GRTP1: variants seen among roughly 807,000 people sequenced by gnomAD.
The protein encoded by GRTP1 is growth hormone-regulated TBC protein 1.
Under a neutral mutation model 38.1 loss-of-function variants are expected in GRTP1, and 56 were observed. The observed-to-expected ratio is 1.47, with a 90% confidence interval of 1.19 to 1.84. GRTP1 has a LOEUF of 1.84. GRTP1 is among the 40% of genes most tolerant of loss of function. The pLI, the probability that GRTP1 is intolerant of heterozygous loss-of-function variation, is 0.00. For synonymous variants in GRTP1, 217 were observed against 189.5 expected, an observed-to-expected ratio of 1.14 and a Z score of -1.19; for missense variants, 506 against 453.9, an observed-to-expected ratio of 1.11 and a Z score of -1.04.
chr13:113,352,280 A>ATTTATATATATTTATATATAT (rs1566437592), intron 3 of GRTP1, among the ~76,000 whole-genome samples: 1 of 19,958 alleles, frequency 5.0e-5, no homozygotes, highest in East Asian at 2.6e-3. Flanking sequence ...TTTTATATAT[A>ATTTATATATATTTATATATAT]TTTATATATA....
At chr13:113,328,137 C>T (rs1392009491) in intron 5 of GRTP1, among the ~76,000 whole-genome samples, 1 of 152,230 alleles carries the variant, frequency 6.6e-6, no homozygotes, top group Non-Finnish European at 1.5e-5. Context: ...TCCCAGGTGA[C>T]CACCTCATCT....
rs1566437614 is a variant in GRTP1, at chr13:113,352,283, TATATATATTTA to T, written c.341-1321_341-1311del. On this transcript the variant is annotated intron_variant, in intron 3 of 7. Coordinates refer to ENST00000375431, the MANE Select transcript of GRTP1 (RefSeq NM_024719.4). ...ATATTTTTATATTTTTATATATATT[TATATATATTTA>T]TATATATTTTATATATATTTTATAT... Among the ~76,000 whole-genome samples the T allele has an allele frequency of 1.2e-3, 57 of 48,512 alleles. 1 individual carries two copies. The East Asian group carries it at 0.025, about 21-fold the overall frequency. 31.8% of individuals were successfully genotyped at this position (48,512 alleles called of 152,430 possible).
At chr13:113,344,535 G>A (rs2043070342) in intron 5 of GRTP1, among the ~76,000 whole-genome samples, 2 of 152,106 alleles carry the variant, frequency 1.3e-5, no homozygotes, top group African/African-American at 2.4e-5. Flanking sequence ...CCAACATGGT[G>A]AAACTCCATC....
rs1301122229 is a variant in GRTP1 at position 113,325,828 on chromosome 13, C to T, written c.754G>A (p.Asp252Asn). Reference sequence around the variant, plus strand: ...TTCGAGCCTTCGTTAAACAAACAGTCCCAGATCCGAAGCACTGTCTGCAGA... The same window carrying T: ...TTCGAGCCTTCGTTAAACAAACAGTTCCAGATCCGAAGCACTGTCTGCAGA... ...LPVETVLRIW[D>N]CLFNEGSKII... The change falls in exon 7 of 8, where the codon GAC becomes AAC. Residue 252 changes from aspartate to asparagine, a missense_variant. By Grantham distance (23) the Asp-to-Asn change is conservative. Transcript: ENST00000375431. The T allele has an allele frequency of 6.2e-7, 1 of 1,614,050 alleles. No homozygotes were observed. Among genetic ancestry groups the T allele is most frequent in the Non-Finnish European group, 8.5e-7 (1 of 1,179,976 alleles).
At chr13:113,329,509 G>A (rs995319665) in intron 5 of GRTP1, among the ~76,000 whole-genome samples, 12 of 152,240 alleles carry the variant, frequency 7.9e-5, no homozygotes, top group Middle Eastern at 3.4e-3. Context: ...TGCTTGACCC[G>A]GGAGATGAAG....
chr13:113,326,236 G>A (rs759440824), intron 5 of GRTP1, 145 bp from the exon 6 acceptor site: 132 of 980,130 alleles, frequency 1.3e-4, no homozygotes, highest in Non-Finnish European at 1.7e-4. Context: ...AGGAAGAGTC[G>A]GGGTGAGGCC....
chr13:113,324,968 A>G (rs971155809), intron 7 of GRTP1: 9 of 527,448 alleles, frequency 1.7e-5, no homozygotes, highest in Admixed American at 5.5e-5. Context: ...CTGGGACTAC[A>G]TAAGCGTGAG....
At chr13:113,335,640 G>A (rs1284729695) in intron 5 of GRTP1, among the ~76,000 whole-genome samples, 1 of 152,116 alleles carries the variant, frequency 6.6e-6, no homozygotes, top group African/African-American at 2.4e-5. Context: ...CCTGGCCTCT[G>A]GTAACTGCCC....
At chr13:113,341,297 T>G (rs1365988460) in intron 5 of GRTP1, among the ~76,000 whole-genome samples, 1 of 151,982 alleles carries the variant, frequency 6.6e-6, no homozygotes, top group East Asian at 1.9e-4. Flanking sequence ...GACAGGGTCT[T>G]GTCCTGTTGC....
intron 2 of GRTP1, among the ~76,000 whole-genome samples, chr13:113,357,164 G>A (rs1390968890): frequency 6.6e-6 from 1 of 151,718 alleles, no homozygotes; most frequent in Non-Finnish European, 1.5e-5. Flanking sequence ...ACAAAAATTA[G>A]CTGGACGCGG....
At chr13:113,352,885 C>A (rs1274631457) in intron 3 of GRTP1, among the ~76,000 whole-genome samples, 2 of 152,226 alleles carry the variant, frequency 1.3e-5, no homozygotes, top group Non-Finnish European at 2.9e-5. Context: ...AGCAGCCCCA[C>A]ACTCTAGGTA....
intron 5 of GRTP1, among the ~76,000 whole-genome samples, chr13:113,337,663 G>A (rs2042972113): frequency 6.6e-6 from 1 of 152,234 alleles, no homozygotes; most frequent in South Asian, 2.1e-4. Flanking sequence ...CTGGCCGCCT[G>A]GTGACTCAGC....
chr13:113,350,812 C>A, intron 4 of GRTP1, 37 bp downstream of exon 4: 3 of 1,530,918 alleles, frequency 2.0e-6, no homozygotes, highest in Non-Finnish European at 2.7e-6. Context: ...CCTGTCCTCA[C>A]AGCCACCTCA....
intron 5 of GRTP1, among the ~76,000 whole-genome samples, chr13:113,328,446 A>G (rs903294370): frequency 6.6e-6 from 1 of 151,884 alleles, no homozygotes; most frequent in Non-Finnish European, 1.5e-5. Context: ...TCCCAAGACC[A>G]CTCTCTCACA....
intron 5 of GRTP1, among the ~76,000 whole-genome samples, chr13:113,336,307 T>TGTTTG (rs1555315313): frequency 7.7e-5 from 11 of 142,840 alleles, no homozygotes. Context: ...AGTTTTTTTT[T>TGTTTG]TTTTTTTTAA....
rs2042759966 is a variant in GRTP1 at position 113,325,966 on chromosome 13, C to T, written c.688G>A (p.Val230Met). 1 of 1,613,798 alleles carries T rather than the reference C, an allele frequency of 6.2e-7. No individual in the cohort carries two copies. The highest frequency in any genetic ancestry group is 1.3e-5 in the African/African-American group (1 of 74,884). ...AACAGGCAGATGAACCAGCGGGACACCAGCAGCGTCCACAGCACACCGAGA... is the reference window on the plus strand; with the variant it reads ...AACAGGCAGATGAACCAGCGGGACATCAGCAGCGTCCACAGCACACCGAGA... ...ERLGVLWTLL[V>M]SRWFICLFVD... The change falls in exon 6 of 8, where the codon GTG (valine) becomes ATG (methionine). Residue 230 changes from valine to methionine, a missense_variant. Physicochemically the swap from Val to Met is conservative, Grantham distance 21 (BLOSUM62 1). Coordinates refer to ENST00000375431, the MANE Select transcript of GRTP1 (RefSeq NM_024719.4).
rs988922669 is a variant in GRTP1 at position 113,348,436 on chromosome 13, G to C, written c.465+2413C>G. Among the ~76,000 whole-genome samples the C allele has an allele frequency of 6.6e-6, 1 of 152,186 alleles. No individual in the cohort carries two copies. Among genetic ancestry groups the C allele is most frequent in the African/African-American group, 2.4e-5 (1 of 41,444 alleles). ...ACTGCACTCCAGCCTGGGTGACAGA[G>C]CGAGACCGTGTGCACTGTGTAACTC... is the stretch of plus-strand genomic sequence containing the variant. On this transcript the variant is annotated intron_variant, in intron 4 of 7. Coordinates refer to ENST00000375431, the MANE Select transcript of GRTP1 (RefSeq NM_024719.4). This position sits in a 1 kb window ranked among gnomAD's most constrained non-coding sequence, Gnocchi z 4.8.
intron 5 of GRTP1, among the ~76,000 whole-genome samples, chr13:113,328,506 A>G (rs1156642835): frequency 6.6e-6 from 1 of 152,154 alleles, no homozygotes; most frequent in Non-Finnish European, 1.5e-5. Flanking sequence ...TAGAAAACAA[A>G]AGGTGTGAGT....
intron 7 of GRTP1, chr13:113,324,922 G>T: frequency 1.6e-6 from 1 of 624,118 alleles, no homozygotes; most frequent in Non-Finnish European, 2.1e-6. Context: ...CGCCTCCCAG[G>T]TTCAAGTGAT....
Sources: allele counts gnomAD v4.1 joint callset (sites outside exome capture counted in the v4.1 genomes callset), GRCh38; gene constraint gnomAD v4.1.1; non-coding constraint Gnocchi (gnomAD v3.1); transcripts MANE v1.5; gene names NCBI Gene and HGNC (gene_info 2026-07-23, HGNC 2026-07-21).